Variants in FANCB observed in about 807,000 individuals in gnomAD.
FANCB encodes FA complementation group B, also known as Fanconi anemia group B protein.
Under a neutral mutation model 38.9 loss-of-function variants are expected in FANCB, and 5 were observed. The ratio of observed to expected loss-of-function variants is 0.13; its 90% CI spans 0.07 to 0.27. The LOEUF (loss-of-function observed/expected upper bound fraction) is 0.27. Among genes scored for constraint, FANCB ranks in the 10% least tolerant of loss-of-function variants. The pLI, the probability that FANCB is intolerant of heterozygous loss-of-function variation, is 1.00. For missense variants in FANCB, 573 were observed against 602.7 expected (o/e 0.95, Z 0.52); for synonymous variants, 236 against 215.4 (o/e 1.10, Z -0.84).
the FANCB span, among the ~76,000 whole-genome samples, chrX:14,733,037 T>A: frequency 5.3e-5 from 6 of 112,181 alleles, no homozygotes; most frequent in Non-Finnish European, 9.4e-5. Context: ...CTTTAATCCA[T>A]CTTAATTTTT....
the FANCB span, among the ~76,000 whole-genome samples, chrX:14,826,250 C>T: frequency 8.9e-6 from 1 of 111,884 alleles, no homozygotes; most frequent in Admixed American, 9.5e-5. Context: ...CATGACAGCA[C>T]CATACAGCTG....
At chrX:14,696,805 G>A in the FANCB span, among the ~76,000 whole-genome samples, 1 of 112,087 alleles carries the variant, frequency 8.9e-6, no homozygotes, top group African/African-American at 3.2e-5. Flanking sequence ...CCAGTTGGCA[G>A]TTACAATCCC....
the FANCB span, among the ~76,000 whole-genome samples, chrX:14,813,612 T>C: frequency 5.4e-5 from 6 of 111,251 alleles, no homozygotes; most frequent in Non-Finnish European, 9.4e-5. Flanking sequence ...GGAATCCAAC[T>C]TACAAGGGAT....
At chrX:14,784,769 G>T in the FANCB span, among the ~76,000 whole-genome samples, 4 of 111,850 alleles carry the variant, frequency 3.6e-5, no homozygotes, top group Non-Finnish European at 5.6e-5. Flanking sequence ...CAACCCAAAT[G>T]CCATCAATGA....
At chrX:14,747,584 A>G in the FANCB span, among the ~76,000 whole-genome samples, 1 of 112,699 alleles carries the variant, frequency 8.9e-6, no homozygotes, top group Non-Finnish European at 1.9e-5. Context: ...TACAACTGGC[A>G]TTTAGAATGA....
the FANCB span, among the ~76,000 whole-genome samples, chrX:14,772,281 C>T: frequency 1.2e-4 from 13 of 112,275 alleles, no homozygotes; most frequent in Non-Finnish European, 2.3e-4. Flanking sequence ...TATCAAAGTT[C>T]TGTCTATAGA....
the FANCB span, among the ~76,000 whole-genome samples, chrX:14,777,374 T>A: frequency 8.9e-6 from 1 of 111,966 alleles, no homozygotes; most frequent in South Asian, 3.7e-4. Context: ...ATTATTTTTC[T>A]AGGATGGGAA....
the FANCB span, among the ~76,000 whole-genome samples, chrX:14,804,212 T>C: frequency 2.7e-5 from 3 of 111,661 alleles, no homozygotes; most frequent in African/African-American, 6.5e-5. Context: ...CTATTCACAA[T>C]AGCAAAGACT....
At chrX:14,823,079 CTT>C in the FANCB span, among the ~76,000 whole-genome samples, 5 of 71,105 alleles carry the variant, frequency 7.0e-5, no homozygotes, top group South Asian at 8.3e-4. Context: ...TACCCTTTTA[CTT>C]TTTTTTTTTT....
the FANCB span, among the ~76,000 whole-genome samples, chrX:14,822,844 G>GA: frequency 2.7e-5 from 3 of 111,168 alleles, no homozygotes; most frequent in Non-Finnish European, 5.7e-5. Flanking sequence ...TAATGGTTCT[G>GA]AAAAATGTTC....
chrX:14,757,931 T>C, the FANCB span, among the ~76,000 whole-genome samples: 11 of 111,633 alleles, frequency 9.9e-5, no homozygotes, highest in African/African-American at 3.3e-4. Flanking sequence ...CCCTACTTGC[T>C]TTCTCAGCTG....
chrX:14,804,198 G>A, the FANCB span, among the ~76,000 whole-genome samples: 18 of 111,564 alleles, frequency 1.6e-4, no homozygotes, highest in East Asian at 8.4e-4. Flanking sequence ...TGTTTATTGC[G>A]GCACTATTCA....
Position 14,843,715 on chromosome X carries a change from G to T in FANCB, c.2432C>A (p.Pro811His). The T allele has an allele frequency of 8.3e-7, 1 of 1,210,650 alleles. No individual in the cohort carries two copies. The highest frequency in any genetic ancestry group is 1.1e-6 in the Non-Finnish European group (1 of 894,981). ...TTCTCTCTGAAGTTCTTTTCTGTAG[G>T]GATGGATATTTTCCCTTCTGTCTGA... ...ALSDRRENIH[P>H]YRKELQREKK... Residue 811 changes from proline (P) to histidine (H), a missense_variant, in exon 10 of 10, where the codon CCC (proline) becomes CAC (histidine). By Grantham distance (77) the Pro-to-His change is moderately conservative. Coordinates refer to ENST00000650831, the MANE Select transcript of FANCB (RefSeq NM_001018113.3).
chrX:14,844,026 ACAAAG>A lies in FANCB; in HGVS notation c.2166-50_2166-46del, dbSNP rs769165151. The A allele has an allele frequency of 1.0e-5, 11 of 1,100,374 alleles. No homozygotes were observed. In the African/African-American group the frequency reaches 2.0e-4, roughly 20 times the overall value. 90.7% of individuals were successfully genotyped at this position (1,100,374 alleles called of 1,213,427 possible). On this transcript the variant is annotated intron_variant, in intron 9 of 9. Coordinates refer to ENST00000650831, the MANE Select transcript of FANCB (RefSeq NM_001018113.3). The stretch of plus-strand genomic sequence containing the variant: ...AAAATATTACAAAAATTAGGACAGC[ACAAAG>A]CAGTCATGTACAATATACTGCAGTA...
At chrX:14,835,664 A>G (rs2092339296), downstream of FANCB, among the ~76,000 whole-genome samples, 1 of 111,873 alleles carries the variant, frequency 8.9e-6, no homozygotes, top group Non-Finnish European at 1.9e-5. Context: ...TAGAGAAAAA[A>G]AAGTGACTGA....
the FANCB span, among the ~76,000 whole-genome samples, chrX:14,734,887 CAT>C: frequency 1.8e-5 from 2 of 109,391 alleles, no homozygotes; most frequent in African/African-American, 3.3e-5. Flanking sequence ...GGTGTTTTCA[CAT>C]AGTCCCATAT....
the FANCB span, among the ~76,000 whole-genome samples, chrX:14,692,718 C>T: frequency 1.4e-3 from 154 of 111,552 alleles, no homozygotes; most frequent in Non-Finnish European, 2.2e-3. Context: ...TGCATACTCT[C>T]CTAGACCAAA....
chrX:14,796,415 T>C, the FANCB span, among the ~76,000 whole-genome samples: 1 of 92,396 alleles, frequency 1.1e-5, no homozygotes. Context: ...ATATATCCTA[T>C]TGGTTGGTTT....
chrX:14,734,931 T>C, the FANCB span, among the ~76,000 whole-genome samples: 19 of 107,596 alleles, frequency 1.8e-4, no homozygotes, highest in Non-Finnish European at 2.9e-4. Context: ...TTTTTTTTTT[T>C]CATTCTTTTT....
Sources: allele counts gnomAD v4.1 joint callset (sites outside exome capture counted in the v4.1 genomes callset), GRCh38; gene constraint gnomAD v4.1.1; transcripts MANE v1.5; gene names NCBI Gene and HGNC (gene_info 2026-07-23, HGNC 2026-07-21).